Variants in MRPS25 observed in about 807,000 individuals in gnomAD.
The protein encoded by MRPS25 is small ribosomal subunit protein mS25.
In MRPS25, 15 loss-of-function variants were observed where a neutral mutation model predicts 17.3. The ratio of observed to expected loss-of-function variants is 0.87; its 90% CI spans 0.58 to 1.34. The LOEUF (loss-of-function observed/expected upper bound fraction) is 1.34, where lower values mean the gene tolerates loss of function less well. Ranked by LOEUF, MRPS25 falls within the 40% of genes most tolerant of loss-of-function variation. The probability of loss-of-function intolerance (pLI) is 0.00; values close to 1 mark genes in which losing one functional copy is unlikely to be tolerated. For synonymous variants in MRPS25, 94 were observed against 83.3 expected, an observed-to-expected ratio of 1.13 and a Z score of -0.70; for missense variants, 225 against 218.6, an observed-to-expected ratio of 1.03 and a Z score of -0.19.
At chr3:15,064,983 A>C in intron 1 of MRPS25, 78 bp downstream of exon 1, 1 of 1,521,656 alleles carries the variant, frequency 6.6e-7, no homozygotes, top group Non-Finnish European at 8.8e-7. Flanking sequence ...GCCCAGAGCG[A>C]CTCGGGACCT....
chr3:15,051,226 C>G lies in MRPS25; in HGVS notation c.*1215G>C. ...CTTGAGACAGTCTTGCTCTGTGGCC[C>G]AGGCTGGAGTGCAGTAGCGCACGAT... is the stretch of plus-strand genomic sequence containing the variant. On this transcript the variant is annotated 3_prime_UTR_variant, in exon 4 of 4. Transcript: ENST00000253686. The G allele has an allele frequency of 1.0e-6, 1 of 966,270 alleles. No homozygotes were observed. Among genetic ancestry groups the G allele is most frequent in the South Asian group, 4.8e-5 (1 of 20,880 alleles). The allele number at this position is 966,270 out of a possible 1,614,324, so 59.9% of individuals were successfully genotyped here. A position where few individuals can be genotyped will look rare whatever the true frequency, so the allele number is the denominator to read the frequency against.
chr3:15,059,511 GT>G, intron 1 of MRPS25, 36 bp from the exon 2 acceptor site: 1 of 1,438,858 alleles, frequency 6.9e-7, no homozygotes, highest in Non-Finnish European at 9.7e-7. Context: ...ATGAAACAGA[GT>G]TTTTAGCCTG....
chr3:15,047,185 T>C (rs1370626185), downstream of MRPS25: 2 of 152,664 alleles, frequency 1.3e-5, no homozygotes, highest in African/African-American at 4.8e-5. Context: ...AAGTTGCTAA[T>C]GTAAACTGAT....
chr3:15,063,788 GATAGGGC>G (rs573650193), intron 1 of MRPS25, among the ~76,000 whole-genome samples: 99 of 152,206 alleles, frequency 6.5e-4, no homozygotes, highest in Non-Finnish European at 1.2e-3. Flanking sequence ...GGGCCCTCTG[GATAGGGC>G]ATGTGCTCTC....
chr3:15,055,168 C>A (rs540312552), intron 2 of MRPS25, among the ~76,000 whole-genome samples: 50 of 152,272 alleles, frequency 3.3e-4, no homozygotes, highest in Non-Finnish European at 6.0e-4. Context: ...AGTACCAAAG[C>A]GGATGGTGCT....
intron 2 of MRPS25, among the ~76,000 whole-genome samples, chr3:15,054,392 A>C (rs2042643717): frequency 6.6e-6 from 1 of 152,220 alleles, no homozygotes; most frequent in South Asian, 2.1e-4. Context: ...AGGTGAATTT[A>C]GACTTTTACC....
chr3:15,064,563 G>A (rs990909113), intron 1 of MRPS25, among the ~76,000 whole-genome samples: 5 of 152,218 alleles, frequency 3.3e-5, no homozygotes, highest in Non-Finnish European at 7.3e-5. Context: ...CAGCCTTAGA[G>A]TGGGGATAAG....
At chr3:15,045,351 G>A (rs966638311), downstream of MRPS25, 2 of 152,660 alleles carry the variant, frequency 1.3e-5, no homozygotes, top group African/African-American at 4.8e-5. Flanking sequence ...CAGCCAGTAG[G>A]CTGCTTAGAC....
chr3:15,064,593 C>G (rs2042828632), intron 1 of MRPS25, among the ~76,000 whole-genome samples: 1 of 152,332 alleles, frequency 6.6e-6, no homozygotes, highest in Admixed American at 6.5e-5. Context: ...CTCTAGGCAT[C>G]AGAAAAAAGA....
intron 2 of MRPS25, 45 bp downstream of exon 2, chr3:15,059,324 G>T: frequency 1.5e-6 from 2 of 1,309,940 alleles, no homozygotes; most frequent in African/African-American, 1.5e-5. Flanking sequence ...GTCTCTCCAG[G>T]CATGTCTGGG....
rs958438090 is a variant in MRPS25 at position 15,065,301 on chromosome 3, G to C, written c.-107C>G. 2.8e-6 allele frequency: 4 copies of C among 1,410,798 alleles called. No homozygotes were observed. Among genetic ancestry groups the C allele is most frequent in the East Asian group, 2.7e-5 (1 of 37,204 alleles). 87.4% of individuals were successfully genotyped at this position (1,410,798 alleles called of 1,614,324 possible). The stretch of plus-strand genomic sequence containing the variant: ...CTCACGCGGCTTCTCCCCAGAGCCA[G>C]GTTCCACTTCCCGCGCAGACGCACA... On this transcript the variant is annotated 5_prime_UTR_variant, in exon 1 of 4. Coordinates refer to ENST00000253686, the MANE Select transcript of MRPS25 (RefSeq NM_022497.5).
At position 15,051,679 on chromosome 3, in the gene MRPS25, T is replaced by C. The variant is rs962792440; in HGVS notation, c.*762A>G. On this transcript the variant is annotated 3_prime_UTR_variant, in exon 4 of 4. Coordinates refer to ENST00000253686, the MANE Select transcript of MRPS25 (RefSeq NM_022497.5). ...CTGAGGGAGCCAGCAGAGCCAGCTA[T>C]AGACACCATCCCCCCAGCAGGGCCC... 3.0e-6 allele frequency: 3 copies of C among 985,724 alleles called. No homozygotes were observed. Among genetic ancestry groups the C allele is most frequent in the Non-Finnish European group, 3.6e-6 (3 of 830,280 alleles). The allele number at this position is 985,724 out of a possible 1,614,324, so 61.1% of individuals were successfully genotyped here. A position where few individuals can be genotyped will look rare whatever the true frequency, so the allele number is the denominator to read the frequency against.
Position 15,050,201 on chromosome 3 carries a change from CTG to C in MRPS25, c.*2238_*2239del, listed in dbSNP as rs1391060953. ...TTTATTTCCACAAATTATCTGCTGC[CTG>C]TGAAGCTGGCCACACAGGCAGTAAC... On this transcript the variant is annotated 3_prime_UTR_variant, in exon 4 of 4. Transcript: ENST00000253686. 2.9e-5 allele frequency: 34 copies of C among 1,182,454 alleles called. No individual in the cohort carries two copies. The highest frequency in any genetic ancestry group is 3.5e-5 in the Non-Finnish European group (33 of 954,930). The allele number at this position is 1,182,454 out of a possible 1,614,324, so 73.2% of individuals were successfully genotyped here.
intron 2 of MRPS25, among the ~76,000 whole-genome samples, chr3:15,055,989 G>A (rs189091615): frequency 0.02 from 2,964 of 151,736 alleles, 98 homozygotes; most frequent in African/African-American, 0.066. Context: ...CGAGGCGGGC[G>A]GATCACGAGG....
chr3:15,059,287 T>C, intron 2 of MRPS25, 82 bp downstream of exon 2: 2 of 965,734 alleles, frequency 2.1e-6, no homozygotes, highest in Non-Finnish European at 3.3e-6. Context: ...CTGCAGCTCA[T>C]CCTGACGCTC....
chr3:15,043,132 C>T, downstream of MRPS25: 6 of 864,494 alleles, frequency 6.9e-6, no homozygotes, highest in Non-Finnish European at 9.9e-6. Context: ...TGTCTGGTTT[C>T]TCCTTATCTG....
downstream of MRPS25, chr3:15,045,345 C>G (rs1575057207): frequency 6.5e-6 from 1 of 152,776 alleles, no homozygotes; most frequent in East Asian, 1.9e-4. Flanking sequence ...CAGTGGCAGC[C>G]AGTAGGCTGC....
Position 15,059,408 on chromosome 3 carries a change from T to C in MRPS25, c.202A>G (p.Lys68Glu). 1 of 1,613,816 alleles carries C rather than the reference T, an allele frequency of 6.2e-7. No homozygotes were observed. Residue 68 changes from lysine to glutamate, a missense_variant, in exon 2 of 4, where the codon AAG (lysine) becomes GAG (glutamate). Transcript: ENST00000253686. ...KNPWVQIMMF[K>E]NMTPSPFLRF... ...AGGAAGGGTGACGGCGTCATGTTCT[T>C]AAACATCATGATCTGCACCCAAGGG... is the stretch of plus-strand genomic sequence containing the variant.
chr3:15,058,411 G>A (rs1290733947), intron 2 of MRPS25, among the ~76,000 whole-genome samples: 2 of 151,978 alleles, frequency 1.3e-5, no homozygotes, highest in African/African-American at 4.8e-5. Context: ...GGATGGACTC[G>A]ATCTCCTGAC....
Sources: gnomAD v4.1 joint callset for allele counts (sites outside exome capture counted in the v4.1 genomes callset) on GRCh38, gnomAD v4.1.1 for gene constraint, MANE v1.5 for transcripts, NCBI Gene and HGNC (gene_info 2026-07-23, HGNC 2026-07-21) for gene names.